PAPPA2: variants seen among roughly 807,000 people sequenced by gnomAD.
The protein encoded by PAPPA2 is pappalysin-2.
Under a neutral mutation model 176.4 loss-of-function variants are expected in PAPPA2, and 86 were observed. The observed-to-expected ratio is 0.49, with a 90% CI of 0.41 to 0.58. PAPPA2 has a LOEUF of 0.58. PAPPA2 is among the 20% of genes least tolerant of loss of function. The pLI, the probability that PAPPA2 is intolerant of heterozygous loss-of-function variation, is 0.00. For missense variants in PAPPA2, 2,073 were observed against 2,256.9 expected (o/e 0.92, Z 1.65); for synonymous variants, 809 against 852.2 (o/e 0.95, Z 0.88).
chr1:176,840,183 C>G lies in PAPPA2; in HGVS notation c.5213C>G (p.Ala1738Gly). The G allele has an allele frequency of 1.2e-6, 2 of 1,613,046 alleles. No homozygotes were observed. The highest frequency in any genetic ancestry group is 1.7e-6 in the Non-Finnish European group (2 of 1,179,378). ...HCIQSCEPFQ[A>G]DGWCDTINNR... is the part of the protein sequence containing the mutation. Reference sequence around the variant, plus strand: ...CTAACCTCCCTACAGCCCTTCCAAGCAGATGGTTGGTGTGACACTATCAAC... The same window carrying G: ...CTAACCTCCCTACAGCCCTTCCAAGGAGATGGTTGGTGTGACACTATCAAC... The change falls in exon 22 of 23, where the codon GCA (alanine) becomes GGA (glycine). Residue 1738 changes from alanine (A) to glycine (G), a missense_variant. This residue lies in a region of PAPPA2 where 846 missense variants were observed against 857.9 expected (regional missense o/e 0.99). Coordinates refer to ENST00000367662, the MANE Select transcript of PAPPA2 (RefSeq NM_020318.3).
intron 1 of PAPPA2, among the ~76,000 whole-genome samples, chr1:176,508,281 G>C (rs1265548904): frequency 6.6e-6 from 1 of 152,100 alleles, no homozygotes; most frequent in Non-Finnish European, 1.5e-5. Flanking sequence ...TCCATATCCA[G>C]TAAAATAAAT....
chr1:176,764,621 G>T (rs1156459481), intron 14 of PAPPA2, among the ~76,000 whole-genome samples: 1 of 149,746 alleles, frequency 6.7e-6, no homozygotes, highest in Non-Finnish European at 1.5e-5. Flanking sequence ...TTTTGAGACG[G>T]AGTCTCGCTC....
Position 176,740,145 on chromosome 1 carries a change from C to A in PAPPA2, c.4100C>A (p.Ala1367Asp), listed in dbSNP as rs374184712. The change falls in exon 14 of 23, where the codon GCT (alanine) becomes GAT (aspartate). Residue 1367 changes from alanine to aspartate, a missense_variant. Physicochemically the swap from Ala to Asp is moderately radical, Grantham distance 126. Coordinates refer to ENST00000367662, the MANE Select transcript of PAPPA2 (RefSeq NM_020318.3). The stretch of plus-strand genomic sequence containing the variant: ...ACATCCTCCCGCATTGGTCTTTCGG[C>A]TCCCAGTAACTGCATCTCAGAGGAC... ...LRTSSRIGLS[A>D]PSNCISEDEG... 146 of 1,613,858 alleles carry A rather than the reference C, an allele frequency of 9.0e-5. No individual in the cohort carries two copies. In the African/African-American group the frequency reaches 1.8e-3, roughly 20 times the overall value.
Position 176,793,561 on chromosome 1 carries a change from T to C in PAPPA2, c.5022T>C (p.Gly1674=). ...EYKCEQGYGI[G]AVCSPLCVIP... ...TGCTGTAAACTTCTGTTCTTTCAGGTGCAGTGTGTTCCCCATTGTGTGTAA... is the reference window on the plus strand; with the variant it reads ...TGCTGTAAACTTCTGTTCTTTCAGGCGCAGTGTGTTCCCCATTGTGTGTAA... Residue 1674 remains glycine (G), a splice_region_variant and synonymous_variant, in exon 20 of 23, where the codon GGT becomes GGC. Transcript: ENST00000367662. 1 of 1,605,574 alleles carries C rather than the reference T, an allele frequency of 6.2e-7. No homozygotes were observed. The highest frequency in any genetic ancestry group is 8.5e-7 in the Non-Finnish European group (1 of 1,172,984).
intron 7 of PAPPA2, among the ~76,000 whole-genome samples, chr1:176,696,457 G>T (rs1175735184): frequency 6.6e-6 from 1 of 152,162 alleles, no homozygotes; most frequent in Non-Finnish European, 1.5e-5. Flanking sequence ...CTTTGGATAT[G>T]ATCTGAGCTA....
chr1:176,519,811 C>A (rs1372950084), intron 1 of PAPPA2, among the ~76,000 whole-genome samples: 1 of 152,110 alleles, frequency 6.6e-6, no homozygotes, highest in Non-Finnish European at 1.5e-5. Flanking sequence ...TATTCTTAAC[C>A]AGACAGTGAA....
intron 14 of PAPPA2, among the ~76,000 whole-genome samples, chr1:176,740,932 G>A: frequency 6.6e-6 from 1 of 152,082 alleles, no homozygotes; most frequent in East Asian, 1.9e-4. Flanking sequence ...CTTGTTACTA[G>A]GTGATTATGA....
intron 17 of PAPPA2, among the ~76,000 whole-genome samples, chr1:176,781,825 G>A (rs1459497850): frequency 6.6e-6 from 1 of 152,140 alleles, no homozygotes; most frequent in African/African-American, 2.4e-5. Context: ...TTCTAATATT[G>A]CTGCTCTAGG....
In PAPPA2 at chr1:176,699,084, GC is replaced by G; in HGVS notation, c.2747-15del. On this transcript the variant is annotated splice_polypyrimidine_tract_variant and intron_variant, in intron 7 of 22. Transcript: ENST00000367662. ...ATGGCTGCTACTGATGTATCTTTCT[GC>G]TAATCTCCCCCCAGGGCCTCCTGAT... The G allele has an allele frequency of 6.3e-7, 1 of 1,597,222 alleles. No homozygotes were observed. The highest frequency in any genetic ancestry group is 8.6e-7 in the Non-Finnish European group (1 of 1,169,480).
At chr1:176,610,199 A>G (rs966555121) in intron 3 of PAPPA2, among the ~76,000 whole-genome samples, 1 of 151,638 alleles carries the variant, frequency 6.6e-6, no homozygotes, top group Non-Finnish European at 1.5e-5. Flanking sequence ...AGGAATGGCT[A>G]TGTCTCCTAT....
chr1:176,801,105 G>GCGCA lies in PAPPA2; in HGVS notation c.5202+974_5202+975insGCAC, dbSNP rs1553206631. Among the ~76,000 whole-genome samples the GCGCA allele has an allele frequency of 7.9e-3, 1,170 of 148,956 alleles. 17 individuals carry two copies. Among genetic ancestry groups the GCGCA allele is most frequent in the African/African-American group, 0.027 (1,091 of 40,740 alleles). On this transcript the variant is annotated intron_variant, in intron 21 of 22. Coordinates refer to ENST00000367662, the MANE Select transcript of PAPPA2 (RefSeq NM_020318.3). ...AGGAGATGCTTACACACACACACAC[G>GCGCA]CACACACACACACACACACCATTTA... is the stretch of plus-strand genomic sequence containing the variant.
chr1:176,773,794 T>G (rs1402864641), intron 17 of PAPPA2, among the ~76,000 whole-genome samples: 1 of 152,194 alleles, frequency 6.6e-6, no homozygotes, highest in Non-Finnish European at 1.5e-5. Flanking sequence ...TACTAAAATA[T>G]CAGCCAAATA....
At chr1:176,741,622 C>T (rs1662682090) in intron 14 of PAPPA2, among the ~76,000 whole-genome samples, 1 of 152,024 alleles carries the variant, frequency 6.6e-6, no homozygotes, top group Admixed American at 6.6e-5. Flanking sequence ...GGCATAGGGG[C>T]ATGAATCTCT....
intron 3 of PAPPA2, among the ~76,000 whole-genome samples, chr1:176,636,133 G>C (rs1329241267): frequency 6.6e-6 from 1 of 152,120 alleles, no homozygotes; most frequent in Non-Finnish European, 1.5e-5. Context: ...TTGAGAACGT[G>C]AAAGGGACAC....
chr1:176,521,297 A>C (rs934185390), intron 1 of PAPPA2, among the ~76,000 whole-genome samples: 2 of 152,166 alleles, frequency 1.3e-5, no homozygotes, highest in Non-Finnish European at 2.9e-5. Context: ...AGTCTTCAGA[A>C]ATATACAGCT....
intron 2 of PAPPA2, among the ~76,000 whole-genome samples, chr1:176,563,649 G>C: frequency 6.6e-6 from 1 of 152,178 alleles, no homozygotes; most frequent in East Asian, 1.9e-4. Context: ...TCATACTTTA[G>C]AGCATTTCTT....
At chr1:176,797,842 G>T (rs1665515339) in intron 20 of PAPPA2, among the ~76,000 whole-genome samples, 2 of 152,032 alleles carry the variant, frequency 1.3e-5, no homozygotes, top group African/African-American at 4.8e-5. Context: ...CTAAGTACTT[G>T]TTTTATTAAT....
intron 4 of PAPPA2, 46 bp downstream of exon 4, chr1:176,671,161 G>A: frequency 6.3e-7 from 1 of 1,595,464 alleles, no homozygotes; most frequent in Non-Finnish European, 8.5e-7. Context: ...AACAAAGAAG[G>A]CTGAAGGAAG....
chr1:176,784,157 G>A (rs912322096), intron 17 of PAPPA2, among the ~76,000 whole-genome samples: 4 of 152,190 alleles, frequency 2.6e-5, no homozygotes, highest in African/African-American at 9.6e-5. Context: ...TTTACATGGA[G>A]GGTACTTGGC....
Sources: gnomAD v4.1 joint callset for allele counts (sites outside exome capture counted in the v4.1 genomes callset) on GRCh38, gnomAD v4.1.1 for gene constraint, gnomAD v4.1.1 regional missense constraint, MANE v1.5 for transcripts, NCBI Gene and HGNC (gene_info 2026-07-23, HGNC 2026-07-21) for gene names.